Variants in DCPS observed in about 807,000 individuals in gnomAD.
The protein encoded by DCPS is decapping enzyme, scavenger, also known as m7GpppX diphosphatase.
A neutral mutation model predicts 34.7 loss-of-function variants in DCPS; 27 were observed. That is an observed-to-expected ratio of 0.78 (90% confidence interval 0.57 to 1.07). The LOEUF (loss-of-function observed/expected upper bound fraction) is 1.07, where lower values mean the gene tolerates loss of function less well. Ranked by LOEUF, DCPS falls within the 50% of genes least tolerant of loss-of-function variation. The probability of loss-of-function intolerance (pLI) is 0.00; values close to 1 mark genes in which losing one functional copy is unlikely to be tolerated. For synonymous variants in DCPS, 185 were observed against 185.7 expected (o/e 1.00, Z 0.03); for missense variants, 464 against 436.9 (o/e 1.06, Z -0.55).
At chr11:126,310,075 T>G (rs1229442449) in intron 2 of DCPS, among the ~76,000 whole-genome samples, 1 of 152,222 alleles carries the variant, frequency 6.6e-6, no homozygotes, top group African/African-American at 2.4e-5. Context: ...TCGCACCACC[T>G]GGGAGTCTGG....
In DCPS at chr11:126,345,403, C is replaced by T. The variant is rs142492066; in HGVS notation, c.804C>T (p.His268=). 588 of 1,614,218 alleles carry T rather than the reference C, an allele frequency of 3.6e-4. 4 individuals are homozygous for T. The African/African-American group carries it at 6.6e-3, about 18-fold the overall frequency. Residue 268 remains histidine (H), a synonymous_variant, in exon 6 of 6, where the codon CAC becomes CAT. Transcript: ENST00000263579. The surrounding 1 kb of genome is among the most constrained non-coding windows in gnomAD (Gnocchi z 7.4). ...MKGDHLRVYL[H]YLPSYYHLHV... is the part of the protein sequence containing the mutation. ...GAGACCATCTGCGAGTATACCTGCA[C>T]TACCTGCCCTCCTACTACCACCTGC...
rs991002900 is a variant in DCPS at position 126,329,138 on chromosome 11, G to A, written c.377-2267G>A. Among the ~76,000 whole-genome samples, 1 of 152,184 alleles carries A rather than the reference G, an allele frequency of 6.6e-6. No homozygotes were observed. Among genetic ancestry groups the A allele is most frequent in the African/African-American group, 2.4e-5 (1 of 41,454 alleles). ...CTTCAAGCAGTCTCCCGCCTCTTGA[G>A]ATCTTGGTGTGCCTGACCTCTGACC... On this transcript the variant is annotated intron_variant, in intron 2 of 5. Transcript: ENST00000263579. This position sits in a 1 kb window ranked among gnomAD's most constrained non-coding sequence, Gnocchi z 5.0.
rs948687642 is a variant in DCPS, at chr11:126,325,846, G to T, written c.377-5559G>T. On this transcript the variant is annotated intron_variant, in intron 2 of 5. Transcript: ENST00000263579. This position sits in a 1 kb window ranked among gnomAD's most constrained non-coding sequence, Gnocchi z 4.3. ...GAGAATGCCAGCAGGAAGGCCAGGCGCGGTGGCTCACACCTGTAATCCCAG... is the reference window on the plus strand; with the variant it reads ...GAGAATGCCAGCAGGAAGGCCAGGCTCGGTGGCTCACACCTGTAATCCCAG... Among the ~76,000 whole-genome samples, 1 of 152,090 alleles carries T rather than the reference G, an allele frequency of 6.6e-6. No homozygotes were observed. The highest frequency in any genetic ancestry group is 1.5e-5 in the Non-Finnish European group (1 of 68,014).
intron 4 of DCPS, among the ~76,000 whole-genome samples, chr11:126,339,292 T>G (rs541566630): frequency 6.6e-6 from 1 of 152,158 alleles, no homozygotes; most frequent in Non-Finnish European, 1.5e-5. Context: ...GGCTCAGATG[T>G]GCCGTTCTGC....
rs1951931980 is a variant in DCPS, at chr11:126,346,632, A to T, written c.*1019A>T. Among the ~76,000 whole-genome samples the T allele has an allele frequency of 6.6e-6, 1 of 152,218 alleles. No homozygotes were observed. The highest frequency in any genetic ancestry group is 1.5e-5 in the Non-Finnish European group (1 of 68,028). On this transcript the variant is annotated 3_prime_UTR_variant, in exon 6 of 6. Transcript: ENST00000263579. This position sits in a 1 kb window ranked among gnomAD's most constrained non-coding sequence, Gnocchi z 4.1. The stretch of plus-strand genomic sequence containing the variant: ...AGGGGCTGGTGTTTGCCACTTTGTC[A>T]GAGTAGGGCTGTGGATTTTGTGCCT...
chr11:126,304,412 G>A (rs1951546654), intron 1 of DCPS, 131 bp downstream of exon 1: 3 of 1,048,318 alleles, frequency 2.9e-6, no homozygotes, highest in Non-Finnish European at 4.2e-6. Context: ...GCGGGAGTGC[G>A]CCACTAGAAT....
intron 1 of DCPS, among the ~76,000 whole-genome samples, chr11:126,306,243 T>C (rs1951564222): frequency 6.6e-6 from 1 of 152,126 alleles, no homozygotes; most frequent in South Asian, 2.1e-4. Flanking sequence ...TGTGGTGGCA[T>C]GCGCCTGTAA....
At chr11:126,330,731 T>A (rs1417510955) in intron 2 of DCPS, among the ~76,000 whole-genome samples, 2 of 61,500 alleles carry the variant, frequency 3.3e-5, no homozygotes, top group Admixed American at 1.5e-4. Flanking sequence ...TTTTTTTTTT[T>A]TTTTTTTTTT....
intron 2 of DCPS, among the ~76,000 whole-genome samples, chr11:126,318,755 C>G (rs1481261165): frequency 1.3e-5 from 2 of 152,198 alleles, no homozygotes; most frequent in Admixed American, 1.3e-4. Context: ...GCAAAAGCCA[C>G]AGACTGAGCC....
chr11:126,304,918 T>G (rs1294750290), intron 1 of DCPS, among the ~76,000 whole-genome samples: 2 of 152,052 alleles, frequency 1.3e-5, no homozygotes, highest in African/African-American at 2.4e-5. Context: ...TGGAGACCAT[T>G]CCAGGAACTA....
chr11:126,343,280 C>G (rs749767609), intron 4 of DCPS, 27 bp from the exon 5 acceptor site: 1 of 1,593,586 alleles, frequency 6.3e-7, no homozygotes, highest in African/African-American at 1.3e-5. Context: ...CCCTGCTGAG[C>G]CTGGTCTCCC....
chr11:126,309,393 T>G (rs1365499688), intron 2 of DCPS, among the ~76,000 whole-genome samples: 5 of 152,148 alleles, frequency 3.3e-5, no homozygotes, highest in Non-Finnish European at 7.3e-5. Context: ...GATACTAAAA[T>G]CTGTGGATGC....
rs898403610 is a variant in DCPS, at chr11:126,347,380, T to C, written c.*1767T>C. On this transcript the variant is annotated 3_prime_UTR_variant, in exon 6 of 6. Transcript: ENST00000263579. The surrounding 1 kb of genome is among the most constrained non-coding windows in gnomAD (Gnocchi z 4.2). ...CTGGGACTACAGGGGTGCGCCCCCA[T>C]GCCCAGCTAATTTTTGTATTTTTAG... is the stretch of plus-strand genomic sequence containing the variant. 9.9e-5 allele frequency among the ~76,000 whole-genome samples: 15 copies of C among 152,080 alleles called. No homozygotes were observed. Among genetic ancestry groups the C allele is most frequent in the Admixed American group, 5.2e-4 (8 of 15,272 alleles).
rs1443200895 is a variant in DCPS, at chr11:126,332,088, C to T, written c.522+538C>T. Among the ~76,000 whole-genome samples, 1 of 152,222 alleles carries T rather than the reference C, an allele frequency of 6.6e-6. No individual in the cohort carries two copies. The highest frequency in any genetic ancestry group is 1.5e-5 in the Non-Finnish European group (1 of 68,038). On this transcript the variant is annotated intron_variant, in intron 3 of 5. Transcript: ENST00000263579. The surrounding 1 kb of genome is among the most constrained non-coding windows in gnomAD (Gnocchi z 5.4). ...TGATGTTGAGTGAGTCCCACCCTGT[C>T]CAGACTCTTATTCCTGGTTTCACCT...
chr11:126,314,972 A>G (rs534300912), intron 2 of DCPS, among the ~76,000 whole-genome samples: 25 of 152,242 alleles, frequency 1.6e-4, no homozygotes, highest in Admixed American at 1.5e-3. Flanking sequence ...CCAAAAACCT[A>G]TTGAAATAAA....
rs199951138 is a variant in DCPS, at chr11:126,323,069, T to TC, written c.377-8330dup. Among the ~76,000 whole-genome samples, 1 of 151,818 alleles carries TC rather than the reference T, an allele frequency of 6.6e-6. No homozygotes were observed. Among genetic ancestry groups the TC allele is most frequent in the Admixed American group, 6.6e-5 (1 of 15,238 alleles). ...CTCGAACTCCTGGGCTCAATAGATT[T>TC]CCCCCCTGTTTCAGCCTCCCAAAGT... On this transcript the variant is annotated intron_variant, in intron 2 of 5. Transcript: ENST00000263579. This position sits in a 1 kb window ranked among gnomAD's most constrained non-coding sequence, Gnocchi z 4.4.
rs586566 is a variant in DCPS at position 126,329,723 on chromosome 11, C to A, written c.377-1682C>A. On this transcript the variant is annotated intron_variant, in intron 2 of 5. Coordinates refer to ENST00000263579, the MANE Select transcript of DCPS (RefSeq NM_014026.6). The surrounding 1 kb of genome is among the most constrained non-coding windows in gnomAD (Gnocchi z 5.0). Reference sequence around the variant, plus strand: ...GTGATACTGGATGACTCTTTTGAGTCCCAGCCCACCCTCTTCACTGACGTA... The same window carrying A: ...GTGATACTGGATGACTCTTTTGAGTACCAGCCCACCCTCTTCACTGACGTA... 2.5e-4 allele frequency among the ~76,000 whole-genome samples: 38 copies of A among 152,088 alleles called. No homozygotes were observed. The highest frequency in any genetic ancestry group is 1.3e-4 in the Non-Finnish European group (9 of 68,020).
intron 4 of DCPS, among the ~76,000 whole-genome samples, chr11:126,339,121 T>C (rs1437016948): frequency 6.6e-6 from 1 of 152,240 alleles, no homozygotes; most frequent in Non-Finnish European, 1.5e-5. Context: ...GCAGAGCCAC[T>C]GTGTTGCAGA....
chr11:126,342,290 G>A lies in DCPS; in HGVS notation c.637-1017G>A, dbSNP rs1471351441. ...GTTGTGACCTCCAGGTTTTCAGCCAGGTTGTGCTCAGGAAGGACAGCAGGA... is the reference window on the plus strand; with the variant it reads ...GTTGTGACCTCCAGGTTTTCAGCCAAGTTGTGCTCAGGAAGGACAGCAGGA... On this transcript the variant is annotated intron_variant, in intron 4 of 5. Coordinates refer to ENST00000263579, the MANE Select transcript of DCPS (RefSeq NM_014026.6). The surrounding 1 kb of genome is among the most constrained non-coding windows in gnomAD (Gnocchi z 4.4). 1 of 152,370 alleles carries A rather than the reference G, an allele frequency of 6.6e-6. No homozygotes were observed. Among genetic ancestry groups the A allele is most frequent in the African/African-American group, 2.4e-5 (1 of 41,460 alleles). The allele number at this position is 152,370 out of a possible 1,614,324, so 9.4% of individuals were successfully genotyped here. A position where few individuals can be genotyped will look rare whatever the true frequency, so the allele number is the denominator to read the frequency against.
Sources: gnomAD v4.1 joint callset for allele counts (sites outside exome capture counted in the v4.1 genomes callset) on GRCh38, gnomAD v4.1.1 for gene constraint, Gnocchi (gnomAD v3.1) non-coding constraint, MANE v1.5 for transcripts, NCBI Gene and HGNC (gene_info 2026-07-23, HGNC 2026-07-21) for gene names.